The following CDC34 variants were observed in gnomAD, a reference collection of about 807,000 sequenced individuals.
The protein encoded by CDC34 is ubiquitin-conjugating enzyme E2 R1.
Under a neutral mutation model 26.8 loss-of-function variants are expected in CDC34, and 18 were observed. The observed-to-expected ratio is 0.67, with a 90% CI of 0.47 to 1.00. CDC34 has a LOEUF of 1.00. Ranked by LOEUF, CDC34 falls within the 50% of genes least tolerant of loss-of-function variation. CDC34 has a pLI of 0.00. For missense variants in CDC34, 280 were observed against 334.5 expected (o/e 0.84, Z 1.27); for synonymous variants, 178 against 147.5 (o/e 1.21, Z -1.50).
intron 1 of CDC34, among the ~76,000 whole-genome samples, chr19:532,784 C>T (rs922775482): frequency 2.0e-5 from 3 of 152,104 alleles, no homozygotes; most frequent in Admixed American, 1.3e-4. Flanking sequence ...GTAACCTGCG[C>T]CCTCGGGAAG....
intron 1 of CDC34, among the ~76,000 whole-genome samples, chr19:533,191 T>C (rs1979576627): frequency 6.6e-6 from 1 of 152,136 alleles, no homozygotes; most frequent in South Asian, 2.1e-4. Context: ...AGGGGCCCTG[T>C]GTGAGCGGTG....
At chr19:536,913 G>C in intron 3 of CDC34, 100 bp from the exon 4 acceptor site, 1 of 1,397,252 alleles carries the variant, frequency 7.2e-7, no homozygotes, top group Non-Finnish European at 1.0e-6. Flanking sequence ...AAGGTCACCT[G>C]CTGGGTGGGT....
intron 4 of CDC34, chr19:538,652 T>C (rs1359512023): frequency 3.8e-5 from 35 of 926,094 alleles, no homozygotes; most frequent in Non-Finnish European, 4.5e-5. Flanking sequence ...ATTGCACACA[T>C]AATGCATGTG....
At chr19:533,189 T>C (rs543768374) in intron 1 of CDC34, among the ~76,000 whole-genome samples, 12 of 152,234 alleles carry the variant, frequency 7.9e-5, no homozygotes, top group African/African-American at 2.9e-4. Context: ...CGAGGGGCCC[T>C]GTGTGAGCGG....
rs769066610 is a variant in CDC34 at position 532,072 on chromosome 19, GCCC to G, written c.145_147del (p.Pro49del). ...ACAACTGGGAGGTGGCCATCTTCGGGCCCCCCAACACCTACTACGAGGGCGGCT... is the reference window on the plus strand; with the variant it reads ...ACAACTGGGAGGTGGCCATCTTCGGGCCCAACACCTACTACGAGGGCGGCT... On this transcript the variant is annotated inframe_deletion, in exon 1 of 5. Transcript: ENST00000215574. 1 of 1,521,560 alleles carries G rather than the reference GCCC, an allele frequency of 6.6e-7. No homozygotes were observed. Among genetic ancestry groups the G allele is most frequent in the African/African-American group, 1.5e-5 (1 of 68,628 alleles). The allele number at this position is 1,521,560 out of a possible 1,614,324, so 94.3% of individuals were successfully genotyped here. A position where few individuals can be genotyped will look rare whatever the true frequency, so the allele number is the denominator to read the frequency against.
At chr19:538,294 C>T (rs559329187) in intron 4 of CDC34, among the ~76,000 whole-genome samples, 8 of 152,310 alleles carry the variant, frequency 5.3e-5, no homozygotes, top group African/African-American at 1.9e-4. Context: ...CGCCTACCGG[C>T]GCCTTCTGTA....
In CDC34 at chr19:541,574, G is replaced by A. The variant is rs370735978; in HGVS notation, c.*22G>A. 1.8e-4 allele frequency: 284 copies of A among 1,547,348 alleles called. No individual in the cohort carries two copies. The highest frequency in any genetic ancestry group is 2.4e-4 in the Non-Finnish European group (271 of 1,143,776). ...CTGACACCACCAGAATAAACTTGCC[G>A]AGTTTACCTCACTAGGGCCGGACCC... On this transcript the variant is annotated 3_prime_UTR_variant, in exon 5 of 5. Transcript: ENST00000215574.
At chr19:532,355 C>T (rs959705755) in intron 1 of CDC34, among the ~76,000 whole-genome samples, 1 of 152,216 alleles carries the variant, frequency 6.6e-6, no homozygotes, top group Non-Finnish European at 1.5e-5. Context: ...TTCAAGGCAT[C>T]GTCCGGTCCC....
chr19:533,990 C>G (rs539768512), intron 1 of CDC34, among the ~76,000 whole-genome samples: 8 of 152,246 alleles, frequency 5.3e-5, no homozygotes, highest in Middle Eastern at 3.2e-3. Context: ...AGAGAGCCCT[C>G]CACAGCCGAC....
intron 2 of CDC34, 118 bp downstream of exon 2, chr19:536,041 C>T (rs1182017774): frequency 5.1e-6 from 6 of 1,170,604 alleles, no homozygotes; most frequent in African/African-American, 1.5e-5. Context: ...CCTCGTCCTC[C>T]GGGACCCGGG....
intron 1 of CDC34, among the ~76,000 whole-genome samples, chr19:534,536 A>G (rs1471096901): frequency 8.2e-6 from 1 of 121,486 alleles, no homozygotes; most frequent in Non-Finnish European, 1.7e-5. Flanking sequence ...CTCGCCCACA[A>G]TCCAAGACCC....
At chr19:536,703 G>A (rs1979771408) in intron 3 of CDC34, 1 of 533,384 alleles carries the variant, frequency 1.9e-6, no homozygotes, top group Admixed American at 3.2e-5. Flanking sequence ...CCAGGTACAA[G>A]CACTGGGCCG....
intron 4 of CDC34, 133 bp from the exon 5 acceptor site, chr19:541,206 C>T (rs955598693): frequency 2.5e-6 from 3 of 1,198,268 alleles, no homozygotes; most frequent in Admixed American, 5.8e-5. Flanking sequence ...AGGGCTTTGT[C>T]CTAAGTGGTC....
chr19:538,169 T>A (rs10421502), intron 4 of CDC34, among the ~76,000 whole-genome samples: 10,559 of 151,858 alleles, frequency 0.07, 458 homozygotes, highest in Middle Eastern at 0.17. Context: ...AAAAATGGGG[T>A]CGTGCTGTGT....
intron 1 of CDC34, among the ~76,000 whole-genome samples, chr19:533,481 C>T (rs1001007770): frequency 1.3e-5 from 2 of 152,246 alleles, no homozygotes; most frequent in Non-Finnish European, 2.9e-5. Context: ...ATCTGGAATC[C>T]TGCGTCCCCA....
intron 2 of CDC34, 75 bp downstream of exon 2, chr19:535,998 C>A: frequency 1.5e-6 from 2 of 1,368,950 alleles, no homozygotes. Context: ...CGTCCTCATC[C>A]TTCCGGGACC....
In CDC34 at chr19:540,802, C is replaced by CCGGGTTTAGAAT. The variant is rs1979975079; in HGVS notation, c.498-536_498-535insGGGTTTAGAATC. 2.4e-4 allele frequency among the ~76,000 whole-genome samples: 12 copies of CCGGGTTTAGAAT among 49,680 alleles called. 4 individuals are homozygous for CCGGGTTTAGAAT. The highest frequency in any genetic ancestry group is 5.8e-4 in the Non-Finnish European group (11 of 18,916). The allele number at this position is 49,680 out of a possible 152,430, so 32.6% of individuals were successfully genotyped here. A position where few individuals can be genotyped will look rare whatever the true frequency, so the allele number is the denominator to read the frequency against. Reference sequence around the variant, plus strand: ...TCCAGAGGCTGGGATGGCCAGGCCCCCCGGTTTAGAATCCGGAGGCCGGGG... The same window carrying CCGGGTTTAGAAT: ...TCCAGAGGCTGGGATGGCCAGGCCCCCGGGTTTAGAATCCGGTTTAGAATCCGGAGGCCGGGG... On this transcript the variant is annotated intron_variant, in intron 4 of 4. Transcript: ENST00000215574.
chr19:539,651 C>T (rs1189852402), intron 4 of CDC34, among the ~76,000 whole-genome samples: 2 of 152,316 alleles, frequency 1.3e-5, no homozygotes, highest in African/African-American at 4.8e-5. Context: ...TAGCAGCCAG[C>T]CCCAGAGCCC....
intron 4 of CDC34, among the ~76,000 whole-genome samples, chr19:540,978 C>T (rs554131287): frequency 6.6e-6 from 1 of 152,198 alleles, no homozygotes; most frequent in Non-Finnish European, 1.5e-5. Context: ...TTTGCTCCTG[C>T]GCTGAGGAAG....
Sources: gnomAD v4.1 joint callset for allele counts (sites outside exome capture counted in the v4.1 genomes callset) on GRCh38, gnomAD v4.1.1 for gene constraint, MANE v1.5 for transcripts, NCBI Gene and HGNC (gene_info 2026-07-23, HGNC 2026-07-21) for gene names.